Variants in TENT4B observed in about 807,000 individuals in gnomAD.
The protein encoded by TENT4B is terminal nucleotidyltransferase 4B.
In TENT4B, 10 loss-of-function variants were observed where a neutral mutation model predicts 75.0. That is an observed-to-expected ratio of 0.13 (90% CI 0.08 to 0.23). The LOEUF is 0.23. Among genes scored for constraint, TENT4B ranks in the 10% least tolerant of loss-of-function variants. The pLI is 1.00. For synonymous variants in TENT4B, 350 were observed against 357.7 expected (o/e 0.98, Z 0.24); for missense variants, 579 against 893.8 (o/e 0.65, Z 4.49).
intron 1 of TENT4B, among the ~76,000 whole-genome samples, chr16:50,158,064 C>T (rs765144367): frequency 5.3e-5 from 8 of 151,628 alleles, no homozygotes; most frequent in Non-Finnish European, 1.2e-4. Flanking sequence ...CATGCCTGGC[C>T]TTATTTATTT....
At chr16:50,153,191 G>GGC (rs1555506506), upstream of TENT4B, among the ~76,000 whole-genome samples, 44 of 124,100 alleles carry the variant, frequency 3.5e-4, 4 homozygotes, top group African/African-American at 1.3e-3. Context: ...GGTGGGGGGG[G>GGC]GGGGCGGAGC....
intron 3 of TENT4B, among the ~76,000 whole-genome samples, chr16:50,215,423 C>G (rs1404588899): frequency 2.6e-5 from 4 of 152,098 alleles, no homozygotes; most frequent in Non-Finnish European, 4.4e-5. Flanking sequence ...TTTAGGTTGT[C>G]AGCATCAGTA....
At chr16:50,215,928 A>C in intron 3 of TENT4B, 147 bp from the exon 4 acceptor site, 1 of 927,952 alleles carries the variant, frequency 1.1e-6, no homozygotes. Flanking sequence ...CTTCTCCACA[A>C]AACCATTATC....
At chr16:50,215,997 A>G in intron 3 of TENT4B, 78 bp from the exon 4 acceptor site, 1 of 1,545,702 alleles carries the variant, frequency 6.5e-7, no homozygotes, top group Non-Finnish European at 8.9e-7. Flanking sequence ...TGTACTAATG[A>G]AGTCTATAAG....
chr16:50,195,084 A>T (rs1262058271), intron 1 of TENT4B, among the ~76,000 whole-genome samples: 1 of 152,048 alleles, frequency 6.6e-6, no homozygotes, highest in Non-Finnish European at 1.5e-5. Flanking sequence ...TAGACTGCCC[A>T]GGCTTGTTTA....
chr16:50,200,646 G>A (rs2030578021), intron 1 of TENT4B, among the ~76,000 whole-genome samples: 1 of 151,862 alleles, frequency 6.6e-6, no homozygotes, highest in South Asian at 2.1e-4. Context: ...TTTTTAATAT[G>A]TTTACTTCTC....
rs948328648 is a variant in TENT4B, at chr16:50,225,429, C to G, written c.1800+144C>G. The G allele has an allele frequency of 1.3e-5, 11 of 879,844 alleles. No individual in the cohort carries two copies. The African/African-American group carries it at 1.9e-4, about 15-fold the overall frequency. 54.5% of individuals were successfully genotyped at this position (879,844 alleles called of 1,614,324 possible). A position where few individuals can be genotyped will look rare whatever the true frequency, so the allele number is the denominator to read the frequency against. Reference sequence around the variant, plus strand: ...AATAACTTTCATGCTTGTACATTTTCTCAACATTTTGTTATGAAAAAGTTC... The same window carrying G: ...AATAACTTTCATGCTTGTACATTTTGTCAACATTTTGTTATGAAAAAGTTC... On this transcript the variant is annotated intron_variant, in intron 10 of 11. Transcript: ENST00000561678.
At chr16:50,215,699 A>G (rs183862106) in intron 3 of TENT4B, among the ~76,000 whole-genome samples, 2 of 152,326 alleles carry the variant, frequency 1.3e-5, no homozygotes, top group African/African-American at 4.8e-5. Context: ...TCCAGCTTAA[A>G]GCACTTCATA....
chr16:50,181,896 A>T (rs562195205), intron 1 of TENT4B, among the ~76,000 whole-genome samples: 2 of 152,178 alleles, frequency 1.3e-5, no homozygotes, highest in Non-Finnish European at 2.9e-5. Context: ...ACATTTTATT[A>T]AAAATGCTAG....
At position 50,230,103 on chromosome 16, in the gene TENT4B, A is replaced by T. The variant is rs1156727567; in HGVS notation, c.*775A>T. 2 of 983,664 alleles carry T rather than the reference A, an allele frequency of 2.0e-6. No homozygotes were observed. Among genetic ancestry groups the T allele is most frequent in the Non-Finnish European group, 2.4e-6 (2 of 829,042 alleles). 60.9% of individuals were successfully genotyped at this position (983,664 alleles called of 1,614,324 possible). A position where few individuals can be genotyped will look rare whatever the true frequency, so the allele number is the denominator to read the frequency against. On this transcript the variant is annotated 3_prime_UTR_variant, in exon 12 of 12. Transcript: ENST00000561678. ...AAGAAAAGGTTTATGGTGGCAAATG[A>T]TGTTTATTTTATTTTGTAAAAAAAA...
rs145390819 is a variant in TENT4B, at chr16:50,213,706, T to G, written c.763-515T>G. Among the ~76,000 whole-genome samples, 412 of 152,290 alleles carry G rather than the reference T, an allele frequency of 2.7e-3. 2 individuals carry two copies. The highest frequency in any genetic ancestry group is 0.018 in the Admixed American group (281 of 15,300). On this transcript the variant is annotated intron_variant, in intron 2 of 11. Coordinates refer to ENST00000561678, the MANE Select transcript of TENT4B (RefSeq NM_001365324.3). ...ACCTCCATATTAAACCAACAATGGA[T>G]TGAAAATATTCAGAAAAAACTATAA... is the stretch of plus-strand genomic sequence containing the variant.
At chr16:50,199,491 A>G (rs1016736570) in intron 1 of TENT4B, among the ~76,000 whole-genome samples, 3 of 152,238 alleles carry the variant, frequency 2.0e-5, no homozygotes, top group African/African-American at 7.2e-5. Context: ...TGCTGGACAC[A>G]TTTGTGCTCT....
chr16:50,222,745 T>G (rs2031885306), intron 6 of TENT4B, among the ~76,000 whole-genome samples: 1 of 152,184 alleles, frequency 6.6e-6, no homozygotes, highest in African/African-American at 2.4e-5. Context: ...ATGCCAACAA[T>G]AAGAATGTCT....
In TENT4B at chr16:50,234,926, C is replaced by CT; in HGVS notation, c.*5598_*5599insT. The CT allele has an allele frequency of 1.0e-6, 1 of 985,730 alleles. No homozygotes were observed. The highest frequency in any genetic ancestry group is 1.2e-6 in the Non-Finnish European group (1 of 829,834). The allele number at this position is 985,730 out of a possible 1,614,324, so 61.1% of individuals were successfully genotyped here. A position where few individuals can be genotyped will look rare whatever the true frequency, so the allele number is the denominator to read the frequency against. On this transcript the variant is annotated 3_prime_UTR_variant, in exon 12 of 12. Transcript: ENST00000561678. ...TTTATGTATTTCCTTCTTTGATTAG[C>CT]ATTGTCTTCAGTGTTAAGAAATGTG...
At chr16:50,196,219 G>A (rs1489043117) in intron 1 of TENT4B, among the ~76,000 whole-genome samples, 1 of 152,172 alleles carries the variant, frequency 6.6e-6, no homozygotes, top group Non-Finnish European at 1.5e-5. Flanking sequence ...AATGTTTTCA[G>A]TTTTGTGCAT....
intron 3 of TENT4B, among the ~76,000 whole-genome samples, chr16:50,214,932 C>G (rs2031472365): frequency 6.6e-6 from 1 of 152,188 alleles, no homozygotes; most frequent in African/African-American, 2.4e-5. Flanking sequence ...TGAGTTCCCG[C>G]TGTCTTGCTC....
intron 1 of TENT4B, among the ~76,000 whole-genome samples, chr16:50,196,922 C>T (rs144109583): frequency 3.3e-5 from 5 of 150,646 alleles, no homozygotes; most frequent in Admixed American, 6.6e-5. Flanking sequence ...GGTAACAGAA[C>T]GAAACCCTGT....
chr16:50,210,715 CCTCTGCTGGG>C (rs1285846845), intron 1 of TENT4B, among the ~76,000 whole-genome samples: 1 of 152,162 alleles, frequency 6.6e-6, no homozygotes, highest in African/African-American at 2.4e-5. Context: ...CAGAGCCTGC[CCTCTGCTGGG>C]GCCTGCTTTC....
intron 1 of TENT4B, 70 bp downstream of exon 1, chr16:50,154,329 G>C: frequency 8.7e-6 from 12 of 1,381,202 alleles, no homozygotes; most frequent in Non-Finnish European, 1.0e-5. Context: ...GCCCACAGAG[G>C]GGGGTTGTGA....
Sources: allele counts gnomAD v4.1 joint callset (sites outside exome capture counted in the v4.1 genomes callset), GRCh38; gene constraint gnomAD v4.1.1; transcripts MANE v1.5; gene names NCBI Gene and HGNC (gene_info 2026-07-23, HGNC 2026-07-21).